Variants in KLHL36 observed in about 807,000 individuals in gnomAD.
The protein encoded by KLHL36 is kelch-like protein 36.
In KLHL36, 35 loss-of-function variants were observed where a neutral mutation model predicts 53.3. That is an observed-to-expected ratio of 0.66 (90% CI 0.50 to 0.87). The LOEUF (loss-of-function observed/expected upper bound fraction) is 0.87. Ranked by LOEUF, KLHL36 falls within the 40% of genes least tolerant of loss-of-function variation. The pLI, the probability that KLHL36 is intolerant of heterozygous loss-of-function variation, is 0.00. For synonymous variants in KLHL36, 472 were observed against 398.9 expected, an observed-to-expected ratio of 1.18 and a Z score of -2.18; for missense variants, 864 against 897.6, an observed-to-expected ratio of 0.96 and a Z score of 0.48.
Position 84,661,518 on chromosome 16 carries a change from A to T in KLHL36, c.1296-60A>T. ...GACGGCAGGCTGTTCCCCGGCTCGG[A>T]GGGGGTAAGCCTGGCACAGCCCTGA... On this transcript the variant is annotated intron_variant, in intron 4 of 4. Coordinates refer to ENST00000564996, the MANE Select transcript of KLHL36 (RefSeq NM_024731.4). The surrounding 1 kb of genome is among the most constrained non-coding windows in gnomAD (Gnocchi z 7.9). 1 of 1,490,424 alleles carries T rather than the reference A, an allele frequency of 6.7e-7. No homozygotes were observed. The highest frequency in any genetic ancestry group is 9.0e-7 in the Non-Finnish European group (1 of 1,110,068). The allele number at this position is 1,490,424 out of a possible 1,614,324, so 92.3% of individuals were successfully genotyped here. A position where few individuals can be genotyped will look rare whatever the true frequency, so the allele number is the denominator to read the frequency against.
In KLHL36 at chr16:84,657,366, A is replaced by G. The variant is rs751113642; in HGVS notation, c.559A>G (p.Asn187Asp). The G allele has an allele frequency of 6.2e-7, 1 of 1,611,404 alleles. No individual in the cohort carries two copies. Among genetic ancestry groups the G allele is most frequent in the Non-Finnish European group, 8.5e-7 (1 of 1,180,018 alleles). Residue 187 changes from asparagine to aspartate, a missense_variant, in exon 3 of 5, where the codon AAC (asparagine) becomes GAC (aspartate). Physicochemically the swap from Asn to Asp is conservative, Grantham distance 23 (BLOSUM62 1). Coordinates refer to ENST00000564996, the MANE Select transcript of KLHL36 (RefSeq NM_024731.4). Reference sequence around the variant, plus strand: ...GTCCTTTACGCCCGACTTCCTGCAGAACGTCTCCATGCAGAAGCTGTGTGT... The same window carrying G: ...GTCCTTTACGCCCGACTTCCTGCAGGACGTCTCCATGCAGAAGCTGTGTGT... Reference protein sequence around the residue: ...TLSFTPDFLQNVSMQKLCVYL... With the variant: ...TLSFTPDFLQDVSMQKLCVYL...
At chr16:84,659,704 T>G in intron 3 of KLHL36, 56 bp from the exon 4 acceptor site, 1 of 1,577,370 alleles carries the variant, frequency 6.3e-7, no homozygotes, top group Non-Finnish European at 8.7e-7. Context: ...CAGCGCCAGA[T>G]GTTGATGCTG....
At chr16:84,652,264 A>G (rs767490709) in intron 2 of KLHL36, among the ~76,000 whole-genome samples, 1 of 151,496 alleles carries the variant, frequency 6.6e-6, no homozygotes, top group Non-Finnish European at 1.5e-5. Context: ...TCACTGGATG[A>G]TGTTTCTAAC....
Position 84,657,116 on chromosome 16 carries a change from C to T in KLHL36, c.309C>T (p.Phe103=), listed in dbSNP as rs1446661188. Reference sequence around the variant, plus strand: ...TTGGGCTCAAGGCCGTGGTGGACTTCCTGTACGGCGGGGAGCTGGTGCTGG... The same window carrying T: ...TTGGGCTCAAGGCCGTGGTGGACTTTCTGTACGGCGGGGAGCTGGTGCTGG... ...SYIGLKAVVD[F]LYGGELVLDG... is the part of the protein sequence containing the mutation. The change falls in exon 3 of 5, where the codon TTC becomes TTT. Residue 103 remains phenylalanine (F), a synonymous_variant. Transcript: ENST00000564996. 3.7e-6 allele frequency: 6 copies of T among 1,614,102 alleles called. No homozygotes were observed. The highest frequency in any genetic ancestry group is 1.7e-5 in the Admixed American group (1 of 60,008).
At chr16:84,659,499 C>T (rs1404549602) in intron 3 of KLHL36, 4 of 426,904 alleles carry the variant, frequency 9.4e-6, no homozygotes, top group African/African-American at 2.0e-5. Flanking sequence ...CAGAGAAGTT[C>T]GGGGGTTCAG....
In KLHL36 at chr16:84,656,904, C is replaced by G. The variant is rs1178820200; in HGVS notation, c.97C>G (p.Leu33Val). 4.3e-6 allele frequency: 7 copies of G among 1,612,144 alleles called. No homozygotes were observed. In the African/African-American group the frequency reaches 8.0e-5, roughly 18 times the overall value. ...YRWADHSSTV[L>V]QRLNEQRLRG... is the part of the protein sequence containing the mutation. ...CTGGGCCGACCACTCAAGCACGGTG[C>G]TGCAGCGGCTGAACGAGCAGCGTCT... Residue 33 changes from leucine to valine, a missense_variant, in exon 3 of 5, where the codon CTG (leucine) becomes GTG (valine). Physicochemically the swap from Leu to Val is conservative, Grantham distance 32. Transcript: ENST00000564996.
chr16:84,654,536 CA>C (rs1907088402), intron 2 of KLHL36, among the ~76,000 whole-genome samples: 1 of 152,188 alleles, frequency 6.6e-6, no homozygotes, highest in South Asian at 2.1e-4. Context: ...CCTGTAGTCC[CA>C]GCTGCCAAGG....
intron 4 of KLHL36, 51 bp downstream of exon 4, chr16:84,659,968 CAT>C: frequency 6.5e-7 from 1 of 1,547,094 alleles, no homozygotes; most frequent in Non-Finnish European, 8.9e-7. Flanking sequence ...TTTTAAGGGA[CAT>C]AGTTCAGTCC....
Sources: gnomAD v4.1 joint callset for allele counts (sites outside exome capture counted in the v4.1 genomes callset) on GRCh38, gnomAD v4.1.1 for gene constraint, Gnocchi (gnomAD v3.1) non-coding constraint, MANE v1.5 for transcripts, NCBI Gene and HGNC (gene_info 2026-07-23, HGNC 2026-07-21) for gene names.